The following POFUT3 variants were observed in gnomAD, a reference collection of about 807,000 sequenced individuals.
POFUT3 encodes GDP-fucose protein O-fucosyltransferase 3.
At chr8:33,410,020 T>C in the POFUT3 span, among the ~76,000 whole-genome samples, 2 of 152,162 alleles carry the variant, frequency 1.3e-5, no homozygotes, top group Non-Finnish European at 2.9e-5. Flanking sequence ...CAGCCCAACA[T>C]CAATAGCTTC....
At chr8:33,397,652 A>G in the POFUT3 span, among the ~76,000 whole-genome samples, 5,546 of 152,296 alleles carry the variant, frequency 0.036, 342 homozygotes, top group African/African-American at 0.13. Context: ...ATGAGGCTAT[A>G]TAACTCTGTA....
the POFUT3 span, among the ~76,000 whole-genome samples, chr8:33,310,070 G>A: frequency 6.6e-6 from 1 of 152,154 alleles, no homozygotes; most frequent in African/African-American, 2.4e-5. Flanking sequence ...AGCATATTGT[G>A]ACCATTTGAG....
At chr8:33,343,066 G>A in the POFUT3 span, among the ~76,000 whole-genome samples, 105 of 150,474 alleles carry the variant, frequency 7.0e-4, no homozygotes, top group Middle Eastern at 6.9e-3. Context: ...AGCCAAGATC[G>A]CGCCACTGCA....
the POFUT3 span, among the ~76,000 whole-genome samples, chr8:33,396,836 C>A: frequency 6.6e-6 from 1 of 152,184 alleles, no homozygotes; most frequent in South Asian, 2.1e-4. Flanking sequence ...CTAATTTTAT[C>A]ACAAATGACA....
chr8:33,392,789 G>C, the POFUT3 span, among the ~76,000 whole-genome samples: 1 of 151,828 alleles, frequency 6.6e-6, no homozygotes, highest in Non-Finnish European at 1.5e-5. Flanking sequence ...TTCAAGACCA[G>C]CCTGGCCAAC....
the POFUT3 span, among the ~76,000 whole-genome samples, chr8:33,349,467 T>C: frequency 4.6e-5 from 7 of 152,108 alleles, no homozygotes; most frequent in Non-Finnish European, 8.8e-5. Context: ...CCAAAGTCCA[T>C]TGTATCATTC....
At chr8:33,312,236 TG>T in the POFUT3 span, among the ~76,000 whole-genome samples, 4 of 148,194 alleles carry the variant, frequency 2.7e-5, no homozygotes, top group Non-Finnish European at 5.9e-5. Context: ...CACTCCAGCC[TG>T]GGCAACAGAG....
At chr8:33,358,705 G>T in the POFUT3 span, among the ~76,000 whole-genome samples, 1 of 152,048 alleles carries the variant, frequency 6.6e-6, no homozygotes, top group Non-Finnish European at 1.5e-5. Flanking sequence ...TTAGTGATTA[G>T]TGTCCTTATA....
At chr8:33,463,614 G>A in the POFUT3 span, among the ~76,000 whole-genome samples, 1 of 152,014 alleles carries the variant, frequency 6.6e-6, no homozygotes, top group Non-Finnish European at 1.5e-5. Context: ...GTGTGATCAT[G>A]GCTCACTGTA....
chr8:33,360,361 AC>A, the POFUT3 span, among the ~76,000 whole-genome samples: 1 of 149,210 alleles, frequency 6.7e-6, no homozygotes, highest in Non-Finnish European at 1.5e-5. Flanking sequence ...CAGGAGAATC[AC>A]TTGAACCCAG....
chr8:33,381,580 T>C, the POFUT3 span, among the ~76,000 whole-genome samples: 2 of 152,238 alleles, frequency 1.3e-5, no homozygotes, highest in African/African-American at 4.8e-5. Flanking sequence ...GACTTAGGGT[T>C]ATTACTTCTG....
the POFUT3 span, among the ~76,000 whole-genome samples, chr8:33,397,663 G>A: frequency 2.6e-5 from 4 of 152,184 alleles, no homozygotes; most frequent in African/African-American, 9.7e-5. Context: ...TAACTCTGTA[G>A]AGGGTTTGTT....
the POFUT3 span, among the ~76,000 whole-genome samples, chr8:33,330,792 C>T: frequency 6.6e-6 from 1 of 152,124 alleles, no homozygotes; most frequent in Non-Finnish European, 1.5e-5. Context: ...AAAACCCATG[C>T]TCCAGTCATC....
At chr8:33,389,755 G>A in the POFUT3 span, 1 of 1,614,104 alleles carries the variant, frequency 6.2e-7, no homozygotes, top group Non-Finnish European at 8.5e-7. Flanking sequence ...AGTCATGATG[G>A]GCTTTCCGAG....
chr8:33,385,436 G>T, the POFUT3 span, among the ~76,000 whole-genome samples: 9 of 152,268 alleles, frequency 5.9e-5, no homozygotes, highest in Admixed American at 2.6e-4. Flanking sequence ...AAGCAAACAG[G>T]GTCTGTCGAG....
At chr8:33,385,449 C>T in the POFUT3 span, among the ~76,000 whole-genome samples, 23 of 152,126 alleles carry the variant, frequency 1.5e-4, no homozygotes, top group Admixed American at 4.6e-4. Context: ...CTGTCGAGGA[C>T]GGGGCCATGA....
At chr8:33,380,063 C>CTATATATATAT in the POFUT3 span, among the ~76,000 whole-genome samples, 1 of 47,832 alleles carries the variant, frequency 2.1e-5, no homozygotes, top group African/African-American at 1.5e-4. Flanking sequence ...TATATATATA[C>CTATATATATAT]ACTATATATA....
the POFUT3 span, among the ~76,000 whole-genome samples, chr8:33,398,560 G>A: frequency 7.9e-5 from 12 of 152,124 alleles, no homozygotes; most frequent in African/African-American, 2.7e-4. Context: ...GGAAATACAT[G>A]GTCAAGATCT....
the POFUT3 span, among the ~76,000 whole-genome samples, chr8:33,395,986 A>T: frequency 6.6e-6 from 1 of 152,216 alleles, no homozygotes; most frequent in Non-Finnish European, 1.5e-5. Flanking sequence ...AACTCTTCCA[A>T]TTCTCATGTA....
Sources: gnomAD v4.1 joint callset for allele counts (sites outside exome capture counted in the v4.1 genomes callset) on GRCh38, gnomAD v4.1.1 for gene constraint, MANE v1.5 for transcripts, NCBI Gene and HGNC (gene_info 2026-07-23, HGNC 2026-07-21) for gene names.